SV2C: variants seen among roughly 807,000 people sequenced by gnomAD.
SV2C encodes synaptic vesicle glycoprotein 2C.
Under a neutral mutation model 79.7 loss-of-function variants are expected in SV2C, and 49 were observed. The ratio of observed to expected loss-of-function variants is 0.61; its 90% CI spans 0.49 to 0.78. The LOEUF (loss-of-function observed/expected upper bound fraction) is 0.78, where lower values mean the gene tolerates loss of function less well. Among genes scored for constraint, SV2C ranks in the 30% least tolerant of loss-of-function variants. The pLI, the probability that SV2C is intolerant of heterozygous loss-of-function variation, is 0.00. For missense variants in SV2C, 833 were observed against 912.9 expected (o/e 0.91, Z 1.13); for synonymous variants, 334 against 333.2 (o/e 1.00, Z -0.03).
At chr5:76,031,559 T>C in the SV2C span, among the ~76,000 whole-genome samples, 1 of 152,292 alleles carries the variant, frequency 6.6e-6, no homozygotes, top group African/African-American at 2.4e-5. Context: ...ACTAAGAAAT[T>C]GCACTTCCTG....
chr5:76,180,025 A>G (rs1743671201), intron 2 of SV2C, among the ~76,000 whole-genome samples: 1 of 152,212 alleles, frequency 6.6e-6, no homozygotes, highest in African/African-American at 2.4e-5. Context: ...AATGTTGATC[A>G]AGCACTGTGT....
chr5:76,094,675 G>A (rs891319279), intron 1 of SV2C, among the ~76,000 whole-genome samples: 11 of 151,956 alleles, frequency 7.2e-5, no homozygotes, highest in African/African-American at 2.4e-4. Flanking sequence ...CAGGTTCTGG[G>A]GATCAAGAAG....
At chr5:75,949,893 A>G in the SV2C span, among the ~76,000 whole-genome samples, 1 of 152,022 alleles carries the variant, frequency 6.6e-6, no homozygotes, top group Non-Finnish European at 1.5e-5. Flanking sequence ...TTTTATTTTT[A>G]AATTATAGCC....
At chr5:75,932,770 C>T in the SV2C span, among the ~76,000 whole-genome samples, 26 of 152,272 alleles carry the variant, frequency 1.7e-4, no homozygotes, top group South Asian at 6.2e-4. Flanking sequence ...GCATGATAGC[C>T]GTCATGAGCA....
chr5:75,905,478 G>A, the SV2C span, among the ~76,000 whole-genome samples: 1 of 152,198 alleles, frequency 6.6e-6, no homozygotes, highest in Non-Finnish European at 1.5e-5. Context: ...TGGCTTTGGT[G>A]GTGTATTGCT....
chr5:76,010,794 GA>G, the SV2C span, among the ~76,000 whole-genome samples: 1 of 152,138 alleles, frequency 6.6e-6, no homozygotes, highest in Non-Finnish European at 1.5e-5. Context: ...GTAAGAGTTG[GA>G]AATGTCTCTT....
rs527710943 is a variant in SV2C at position 76,157,718 on chromosome 5, G to C, written c.580+25388G>C. ...ACAAATTCACATAAACAAACGAAGGGATCCACAAATGATAAATAAAGTTAA... is the reference window on the plus strand; with the variant it reads ...ACAAATTCACATAAACAAACGAAGGCATCCACAAATGATAAATAAAGTTAA... On this transcript the variant is annotated intron_variant, in intron 2 of 12. Coordinates refer to ENST00000502798, the MANE Select transcript of SV2C (RefSeq NM_014979.4). Among the ~76,000 whole-genome samples the C allele has an allele frequency of 4.0e-5, 6 of 151,648 alleles. No homozygotes were observed. The South Asian group carries it at 1.2e-3, about 32-fold the overall frequency.
intron 6 of SV2C, among the ~76,000 whole-genome samples, chr5:76,290,056 G>A (rs1179508538): frequency 1.3e-5 from 2 of 151,696 alleles, no homozygotes; most frequent in African/African-American, 4.8e-5. Flanking sequence ...GTAGTATGTT[G>A]GATTAAGACT....
the SV2C span, among the ~76,000 whole-genome samples, chr5:76,012,719 G>T: frequency 6.6e-6 from 1 of 151,998 alleles, no homozygotes; most frequent in South Asian, 2.1e-4. Flanking sequence ...GATTTTCTTC[G>T]GGGTTTTTAC....
chr5:75,903,568 A>ATAC, the SV2C span, among the ~76,000 whole-genome samples: 1 of 152,120 alleles, frequency 6.6e-6, no homozygotes. Flanking sequence ...TATTAACCTG[A>ATAC]AGCCTAACTG....
chr5:76,033,256 A>T, the SV2C span, among the ~76,000 whole-genome samples: 1 of 151,548 alleles, frequency 6.6e-6, no homozygotes, highest in Non-Finnish European at 1.5e-5. Context: ...GTTTAATTAG[A>T]TCCCATTTGT....
chr5:75,992,726 TC>T, the SV2C span, among the ~76,000 whole-genome samples: 1 of 147,290 alleles, frequency 6.8e-6, no homozygotes, highest in South Asian at 2.2e-4. Flanking sequence ...CAAAAATTGG[TC>T]AATAAAGATG....
chr5:76,350,222 T>C (rs1749621085), intron 12 of SV2C, among the ~76,000 whole-genome samples: 1 of 152,160 alleles, frequency 6.6e-6, no homozygotes, highest in South Asian at 2.1e-4. Flanking sequence ...GCCCTTTAGC[T>C]GCTAGAGAAA....
At chr5:76,204,658 A>G (rs1203630074) in intron 3 of SV2C, among the ~76,000 whole-genome samples, 2 of 152,242 alleles carry the variant, frequency 1.3e-5, no homozygotes, top group Admixed American at 6.5e-5. Flanking sequence ...ATCATCAAAC[A>G]TTCCATAATT....
chr5:76,185,334 G>A (rs1340150154), intron 2 of SV2C, among the ~76,000 whole-genome samples: 1 of 152,212 alleles, frequency 6.6e-6, no homozygotes, highest in African/African-American at 2.4e-5. Context: ...CTGGAGGATG[G>A]TGGCCCTCTT....
the SV2C span, among the ~76,000 whole-genome samples, chr5:76,033,434 A>C: frequency 6.6e-6 from 1 of 152,226 alleles, no homozygotes; most frequent in African/African-American, 2.4e-5. Flanking sequence ...ATAAGGTGTA[A>C]GGAAGGGATC....
At chr5:76,270,188 A>G (rs1294095087) in intron 4 of SV2C, among the ~76,000 whole-genome samples, 3 of 152,264 alleles carry the variant, frequency 2.0e-5, no homozygotes, top group Non-Finnish European at 4.4e-5. Flanking sequence ...TCTATGATTC[A>G]TATAACCTGA....
chr5:76,276,847 G>A (rs1023760426), intron 4 of SV2C, among the ~76,000 whole-genome samples: 2 of 151,992 alleles, frequency 1.3e-5, no homozygotes, highest in African/African-American at 4.8e-5. Context: ...GGGATTACAG[G>A]TGTGAGCCAA....
chr5:76,002,004 G>C, the SV2C span, among the ~76,000 whole-genome samples: 1 of 151,436 alleles, frequency 6.6e-6, no homozygotes, highest in Admixed American at 6.6e-5. Flanking sequence ...TTATGCCTTT[G>C]TATCCTCATA....
Sources: gnomAD v4.1 joint callset for allele counts (sites outside exome capture counted in the v4.1 genomes callset) on GRCh38, gnomAD v4.1.1 for gene constraint, MANE v1.5 for transcripts, NCBI Gene and HGNC (gene_info 2026-07-23, HGNC 2026-07-21) for gene names.